The following RIMBP2 variants were observed in gnomAD, a reference collection of about 807,000 sequenced individuals.
RIMBP2 encodes the protein RIMS binding protein 2.
RIMBP2 carries 48 observed loss-of-function variants against 118.6 expected under a neutral mutation model. The observed-to-expected ratio is 0.40, with a 90% CI of 0.32 to 0.51. The LOEUF is 0.51. Ranked by LOEUF, RIMBP2 falls within the 20% of genes least tolerant of loss-of-function variation. The pLI is 0.41. For synonymous variants in RIMBP2, 762 were observed against 742.9 expected (o/e 1.03, Z -0.42); for missense variants, 1,551 against 1,768.3 (o/e 0.88, Z 2.20).
Position 130,469,818 on chromosome 12 carries a change from C to T in RIMBP2, c.153+875G>A, listed in dbSNP as rs2080843416. ...TTAAGGGAACATTACCGGGAGGACG[C>T]CACCCCAGGGCAGATCCCCTCCGAG... On this transcript the variant is annotated intron_variant, in intron 6 of 22. Coordinates refer to ENST00000690449, the MANE Select transcript of RIMBP2 (RefSeq NM_001393629.1). This position sits in a 1 kb window ranked among gnomAD's most constrained non-coding sequence, Gnocchi z 4.8. Among the ~76,000 whole-genome samples, 1 of 152,198 alleles carries T rather than the reference C, an allele frequency of 6.6e-6. No individual in the cohort carries two copies. Among genetic ancestry groups the T allele is most frequent in the Non-Finnish European group, 1.5e-5 (1 of 68,034 alleles).
chr12:130,706,284 C>A (rs2066116207), intron 1 of RIMBP2, among the ~76,000 whole-genome samples: 1 of 152,258 alleles, frequency 6.6e-6, no homozygotes, highest in South Asian at 2.1e-4. Flanking sequence ...AAGCACTTTT[C>A]CCCAGTGAAT....
intron 1 of RIMBP2, among the ~76,000 whole-genome samples, chr12:130,700,953 C>A (rs940448532): frequency 1.3e-5 from 2 of 152,244 alleles, no homozygotes; most frequent in Non-Finnish European, 2.9e-5. Context: ...ACAAGCACTT[C>A]CTGTACTGAG....
At chr12:130,645,431 C>T (rs1025530301) in intron 1 of RIMBP2, among the ~76,000 whole-genome samples, 2 of 152,232 alleles carry the variant, frequency 1.3e-5, no homozygotes, top group Admixed American at 6.5e-5. Context: ...TCCCTCCAGG[C>T]CCCTGAAGTT....
chr12:130,644,178 A>C (rs918976300), intron 1 of RIMBP2, among the ~76,000 whole-genome samples: 2 of 152,184 alleles, frequency 1.3e-5, no homozygotes, highest in South Asian at 4.1e-4. Context: ...GAGACGAAGG[A>C]AAGGAAGTGG....
intron 4 of RIMBP2, among the ~76,000 whole-genome samples, chr12:130,490,525 A>C (rs948046604): frequency 2.6e-5 from 4 of 152,200 alleles, no homozygotes; most frequent in Non-Finnish European, 4.4e-5. Context: ...CAGCAGCAGA[A>C]GTATAAATCG....
chr12:130,404,748 T>G (rs918218273), intron 21 of RIMBP2, among the ~76,000 whole-genome samples: 3 of 152,144 alleles, frequency 2.0e-5, no homozygotes, highest in Non-Finnish European at 4.4e-5. Context: ...AAAAGCTAAA[T>G]GTACATCTAA....
chr12:130,486,609 C>A lies in RIMBP2; in HGVS notation c.-3-7593G>T, dbSNP rs143736886. Among the ~76,000 whole-genome samples, 28 of 152,070 alleles carry A rather than the reference C, an allele frequency of 1.8e-4. 1 individual carries two copies. Among genetic ancestry groups the A allele is most frequent in the African/African-American group, 6.0e-4 (25 of 41,452 alleles). The stretch of plus-strand genomic sequence containing the variant: ...CCCTCCCCAAGCTGTGCCATCTCGG[C>A]CAAGGACACCATCATCCCCTCAGCT... On this transcript the variant is annotated intron_variant, in intron 4 of 22. Transcript: ENST00000690449.
At chr12:130,462,479 T>C (rs926166999) in intron 6 of RIMBP2, among the ~76,000 whole-genome samples, 3 of 152,054 alleles carry the variant, frequency 2.0e-5, no homozygotes, top group Non-Finnish European at 2.9e-5. Context: ...GCATAAGGGA[T>C]GGGAGAAACG....
At chr12:130,677,257 C>T (rs945293536) in intron 1 of RIMBP2, among the ~76,000 whole-genome samples, 2 of 152,090 alleles carry the variant, frequency 1.3e-5, no homozygotes, top group African/African-American at 2.4e-5. Flanking sequence ...CAAAGGTACA[C>T]GGAGAGGCAC....
In RIMBP2 at chr12:130,462,065, T is replaced by C. The variant is rs757354255; in HGVS notation, c.154-5365A>G. Among the ~76,000 whole-genome samples, 335 of 152,170 alleles carry C rather than the reference T, an allele frequency of 2.2e-3. 1 individual carries two copies. The highest frequency in any genetic ancestry group is 4.0e-3 in the Non-Finnish European group (272 of 68,018). ...GGCTGCAGGCTGTGGCTGCTGGCCG[T>C]GGTGCTGCTCTGCACGACAGCATGG... is the stretch of plus-strand genomic sequence containing the variant. On this transcript the variant is annotated intron_variant, in intron 6 of 22. Transcript: ENST00000690449.
chr12:130,561,951 C>A lies in RIMBP2; in HGVS notation c.-216-44034G>T, dbSNP rs2056852374. ...TCTGATGGTTATAGTAATATATGTT[C>A]ACTGTCAAAAAATGTTAAAATATAG... is the stretch of plus-strand genomic sequence containing the variant. On this transcript the variant is annotated intron_variant, in intron 2 of 22. Transcript: ENST00000690449. Among the ~76,000 whole-genome samples the A allele has an allele frequency of 2.6e-5, 4 of 151,930 alleles. 1 individual carries two copies. The South Asian group carries it at 8.3e-4, about 32-fold the overall frequency.
chr12:130,548,284 C>A (rs906486057), intron 2 of RIMBP2, among the ~76,000 whole-genome samples: 1 of 152,172 alleles, frequency 6.6e-6, no homozygotes, highest in Non-Finnish European at 1.5e-5. Flanking sequence ...AGCCCCGTAT[C>A]TCTCTAATTT....
intron 4 of RIMBP2, among the ~76,000 whole-genome samples, chr12:130,502,186 G>A (rs1049854536): frequency 3.3e-5 from 5 of 152,162 alleles, no homozygotes; most frequent in African/African-American, 7.2e-5. Context: ...ATGAAGCCCC[G>A]GCTGGACCGG....
At chr12:130,601,394 T>A (rs1305552751) in intron 2 of RIMBP2, among the ~76,000 whole-genome samples, 1 of 150,140 alleles carries the variant, frequency 6.7e-6, no homozygotes, top group Non-Finnish European at 1.5e-5. Context: ...TATCTTTTAC[T>A]TCTTGTTGGA....
chr12:130,635,402 C>T (rs2062291783), intron 1 of RIMBP2, among the ~76,000 whole-genome samples: 2 of 152,158 alleles, frequency 1.3e-5, no homozygotes, highest in African/African-American at 2.4e-5. Context: ...CTCTCTGTTG[C>T]CTTCCCATAT....
At chr12:130,504,634 A>G (rs2050131028) in intron 4 of RIMBP2, among the ~76,000 whole-genome samples, 3 of 152,134 alleles carry the variant, frequency 2.0e-5, no homozygotes. Flanking sequence ...TGTGAGGCTC[A>G]TCTCAGACTT....
chr12:130,581,006 T>C lies in RIMBP2; in HGVS notation c.-217+47316A>G, dbSNP rs757528332. Among the ~76,000 whole-genome samples the C allele has an allele frequency of 1.3e-5, 2 of 152,096 alleles. No homozygotes were observed. The highest frequency in any genetic ancestry group is 2.9e-5 in the Non-Finnish European group (2 of 68,004). On this transcript the variant is annotated intron_variant, in intron 2 of 22. Coordinates refer to ENST00000690449, the MANE Select transcript of RIMBP2 (RefSeq NM_001393629.1). The surrounding 1 kb of genome is among the most constrained non-coding windows in gnomAD (Gnocchi z 4.4). Reference sequence around the variant, plus strand: ...ATATATATTAAAATATCTCCTATCTTGGCTCCAGCTTTTTTCAGTGCCACC... The same window carrying C: ...ATATATATTAAAATATCTCCTATCTCGGCTCCAGCTTTTTTCAGTGCCACC...
At chr12:130,535,664 T>C (rs111435854) in intron 2 of RIMBP2, among the ~76,000 whole-genome samples, 23,446 of 146,488 alleles carry the variant, frequency 0.16, 2,099 homozygotes, top group Middle Eastern at 0.24. Context: ...TATACACATA[T>C]ACATATATAC....
chr12:130,647,836 TC>T (rs2063055022), intron 1 of RIMBP2, among the ~76,000 whole-genome samples: 1 of 145,946 alleles, frequency 6.9e-6, no homozygotes, highest in South Asian at 2.1e-4. Context: ...TTAAAGACCC[TC>T]CCCTTTAAGC....
Sources: gnomAD v4.1 joint callset for allele counts (sites outside exome capture counted in the v4.1 genomes callset) on GRCh38, gnomAD v4.1.1 for gene constraint, Gnocchi (gnomAD v3.1) non-coding constraint, MANE v1.5 for transcripts, NCBI Gene and HGNC (gene_info 2026-07-23, HGNC 2026-07-21) for gene names.